Variants in GALNT11 observed in about 807,000 individuals in gnomAD.
GALNT11 encodes the protein polypeptide N-acetylgalactosaminyltransferase 11.
In GALNT11, 47 loss-of-function variants were observed where a neutral mutation model predicts 72.7. That is an observed-to-expected ratio of 0.65 (90% confidence interval 0.51 to 0.82). The LOEUF is 0.82. GALNT11 is among the 40% of genes least tolerant of loss of function. The pLI, the probability that GALNT11 is intolerant of heterozygous loss-of-function variation, is 0.00. For synonymous variants in GALNT11, 270 were observed against 286.6 expected (o/e 0.94, Z 0.58); for missense variants, 677 against 778.4 (o/e 0.87, Z 1.55).
At chr7:152,048,550 G>A (rs2083252417) in intron 1 of GALNT11, among the ~76,000 whole-genome samples, 1 of 149,332 alleles carries the variant, frequency 6.7e-6, no homozygotes, top group African/African-American at 2.5e-5. Context: ...TTTTTTTTGA[G>A]ACGGAGTCTC....
intron 1 of GALNT11, among the ~76,000 whole-genome samples, chr7:152,059,648 A>G (rs1476818039): frequency 6.6e-6 from 1 of 152,206 alleles, no homozygotes; most frequent in Non-Finnish European, 1.5e-5. Flanking sequence ...TTTTGGGGTG[A>G]CTAGGTATGT....
chr7:152,064,076 A>G (rs139844868), intron 1 of GALNT11, among the ~76,000 whole-genome samples: 7,517 of 152,178 alleles, frequency 0.049, 635 homozygotes, highest in African/African-American at 0.17. Flanking sequence ...GTCTGCCATT[A>G]TTATTGTGTG....
At chr7:152,047,712 GCA>G (rs567611390) in intron 1 of GALNT11, among the ~76,000 whole-genome samples, 54 of 151,424 alleles carry the variant, frequency 3.6e-4, no homozygotes, top group African/African-American at 6.8e-4. Flanking sequence ...GTGTGTGTGC[GCA>G]CACACACAAG....
At position 152,120,929 on chromosome 7, in the gene GALNT11, A is replaced by G; in HGVS notation, c.1656A>G (p.Lys552=). Residue 552 remains lysine (K), a synonymous_variant, in exon 11 of 12, where the codon AAA becomes AAG. Coordinates refer to ENST00000430044, the MANE Select transcript of GALNT11 (RefSeq NM_022087.4). ...CATCAGACCCGCCACGGCTCATGAAATGCCACGGGTCAGGAGGATCCCAGC... is the reference window on the plus strand; with the variant it reads ...CATCAGACCCGCCACGGCTCATGAAGTGCCACGGGTCAGGAGGATCCCAGC... ...TRSSDPPRLM[K]CHGSGGSQQW... 1 of 1,614,174 alleles carries G rather than the reference A, an allele frequency of 6.2e-7. No homozygotes were observed. Among genetic ancestry groups the G allele is most frequent in the South Asian group, 1.1e-5 (1 of 91,084 alleles).
chr7:152,103,566 G>A (rs535152099), intron 4 of GALNT11: 28 of 320,988 alleles, frequency 8.7e-5, no homozygotes, highest in Admixed American at 1.5e-4. Flanking sequence ...TTACAAAGAC[G>A]GCCTATGTAC....
intron 1 of GALNT11, among the ~76,000 whole-genome samples, chr7:152,091,578 A>G (rs530615758): frequency 9.1e-4 from 139 of 152,142 alleles, no homozygotes; most frequent in Non-Finnish European, 1.7e-3. Flanking sequence ...GGGTTTCACC[A>G]TGTTGCCCAG....
At position 152,094,392 on chromosome 7, in the gene GALNT11, C is replaced by A. The variant is rs375844281; in HGVS notation, c.165C>A (p.Phe55Leu). The change falls in exon 2 of 12, where the codon TTC becomes TTA. Residue 55 changes from phenylalanine (F) to leucine (L), a missense_variant. Phe to Leu is a conservative substitution (Grantham distance 22). Coordinates refer to ENST00000430044, the MANE Select transcript of GALNT11 (RefSeq NM_022087.4). The surrounding 1 kb of genome is among the most constrained non-coding windows in gnomAD (Gnocchi z 4.3). ...SGPHGPSPKK[F>L]YPRFTRGPSR... ...CCCACGGACCATCTCCAAAAAAATT[C>A]TATCCCCGTTTCACTCGAGGCCCAA... The A allele has an allele frequency of 1.1e-4, 175 of 1,614,158 alleles. 1 individual carries two copies. In the South Asian group the frequency reaches 1.8e-3, roughly 16 times the overall value.
rs1451256048 is a variant in GALNT11 at position 152,041,392 on chromosome 7, G to C, written c.-39+15508G>C. On this transcript the variant is annotated intron_variant, in intron 1 of 11. Transcript: ENST00000430044. ...GCTTGCTGTATTTGTGCCTTTATGA[G>C]GACAATAATTTTTCCAGGATCATAT... Among the ~76,000 whole-genome samples the C allele has an allele frequency of 2.0e-5, 3 of 152,268 alleles. No individual in the cohort carries two copies. In the East Asian group the frequency reaches 5.8e-4, roughly 29 times the overall value.
intron 1 of GALNT11, among the ~76,000 whole-genome samples, chr7:152,084,380 TAAAAAA>T (rs11447244): frequency 4.0e-4 from 42 of 105,338 alleles, no homozygotes; most frequent in African/African-American, 1.5e-3. Flanking sequence ...CCTGTCTCTT[TAAAAAA>T]AAAAAAAAAA....
chr7:152,100,001 C>T (rs1395182207), intron 2 of GALNT11, among the ~76,000 whole-genome samples: 40 of 146,860 alleles, frequency 2.7e-4, no homozygotes, highest in Non-Finnish European at 5.1e-4. Context: ...CTGTGTTGCC[C>T]AGGCTGGGCT....
chr7:152,061,754 T>C (rs1224799356), intron 1 of GALNT11, among the ~76,000 whole-genome samples: 1 of 152,248 alleles, frequency 6.6e-6, no homozygotes, highest in African/African-American at 2.4e-5. Flanking sequence ...TTTATTGTTT[T>C]TGTCAGGTTT....
At chr7:152,087,323 C>T (rs1470237113) in intron 1 of GALNT11, among the ~76,000 whole-genome samples, 1 of 152,130 alleles carries the variant, frequency 6.6e-6, no homozygotes, top group Non-Finnish European at 1.5e-5. Context: ...GATTCAATGG[C>T]AGTGAAAGAA....
At chr7:152,074,663 G>C (rs1281295948) in intron 1 of GALNT11, among the ~76,000 whole-genome samples, 1 of 152,184 alleles carries the variant, frequency 6.6e-6, no homozygotes, top group African/African-American at 2.4e-5. Flanking sequence ...TGAAGTGTGA[G>C]GGAGGGTGGG....
chr7:152,103,383 C>A (rs1563073863), intron 4 of GALNT11, 105 bp downstream of exon 4: 1 of 1,154,444 alleles, frequency 8.7e-7, no homozygotes, highest in Non-Finnish European at 1.2e-6. Flanking sequence ...AGGTGGGGAT[C>A]CTACACGTGC....
intron 1 of GALNT11, among the ~76,000 whole-genome samples, chr7:152,085,366 C>T (rs1354792803): frequency 1.3e-5 from 2 of 152,186 alleles, no homozygotes; most frequent in African/African-American, 4.8e-5. Context: ...TAGTTGATGT[C>T]TAACTGCTGA....
At chr7:152,121,103 C>T (rs1382830066) in intron 11 of GALNT11, 135 bp downstream of exon 11, 9 of 1,008,928 alleles carry the variant, frequency 8.9e-6, no homozygotes, top group Non-Finnish European at 1.1e-5. Context: ...CCCCAGAAAC[C>T]ACAGGTAGTA....
intron 1 of GALNT11, among the ~76,000 whole-genome samples, chr7:152,054,087 A>G (rs1390402080): frequency 6.6e-6 from 1 of 152,076 alleles, no homozygotes; most frequent in Non-Finnish European, 1.5e-5. Flanking sequence ...TTATTCATTT[A>G]TCTAATCCCA....
intron 8 of GALNT11, among the ~76,000 whole-genome samples, chr7:152,115,448 G>A (rs905719974): frequency 6.6e-6 from 1 of 152,176 alleles, no homozygotes; most frequent in African/African-American, 2.4e-5. Flanking sequence ...AGTATCCTGT[G>A]TGAGTATGCG....
In GALNT11 at chr7:152,094,313, A is replaced by G. The variant is rs573903789; in HGVS notation, c.86A>G (p.Asn29Ser). The G allele has an allele frequency of 1.2e-6, 2 of 1,614,126 alleles. No homozygotes were observed. Among genetic ancestry groups the G allele is most frequent in the South Asian group, 2.2e-5 (2 of 91,082 alleles). ...TWTVLLFVYF[N>S]FSEVTQPLKN... ...ACAGTTTTGCTTTTTGTTTATTTCA[A>G]CTTCAGTGAAGTGACTCAGCCACTT... Residue 29 changes from asparagine to serine, a missense_variant, in exon 2 of 12, where the codon AAC becomes AGC. By Grantham distance (46) the Asn-to-Ser change is conservative. Transcript: ENST00000430044. This position sits in a 1 kb window ranked among gnomAD's most constrained non-coding sequence, Gnocchi z 4.3.
Sources: allele counts gnomAD v4.1 joint callset (sites outside exome capture counted in the v4.1 genomes callset), GRCh38; gene constraint gnomAD v4.1.1; non-coding constraint Gnocchi (gnomAD v3.1); transcripts MANE v1.5; gene names NCBI Gene and HGNC (gene_info 2026-07-23, HGNC 2026-07-21).